Variants in PKNOX2 observed in about 807,000 individuals in gnomAD.
The protein encoded by PKNOX2 is PBX/knotted 1 homeobox 2, also known as homeobox protein PKNOX2.
A neutral mutation model predicts 53.1 loss-of-function variants in PKNOX2; 14 were observed. The ratio of observed to expected loss-of-function variants is 0.26; its 90% CI spans 0.17 to 0.41. The LOEUF is 0.41. PKNOX2 is among the 10% of genes least tolerant of loss of function. PKNOX2 has a pLI of 1.00. For missense variants in PKNOX2, 496 were observed against 602.8 expected, an observed-to-expected ratio of 0.82 and a Z score of 1.85; for synonymous variants, 257 against 242.8, an observed-to-expected ratio of 1.06 and a Z score of -0.54.
intron 3 of PKNOX2, among the ~76,000 whole-genome samples, chr11:125,340,867 T>A (rs1469078230): frequency 6.6e-6 from 1 of 151,868 alleles, no homozygotes; most frequent in Non-Finnish European, 1.5e-5. Context: ...CTGGTCAACA[T>A]GGTGAAACTC....
At chr11:125,381,077 G>A (rs1349400096) in intron 5 of PKNOX2, among the ~76,000 whole-genome samples, 1 of 152,216 alleles carries the variant, frequency 6.6e-6, no homozygotes, top group East Asian at 1.9e-4. Context: ...TCAGTGGGCA[G>A]TGCAGTGTCT....
At chr11:125,171,756 A>T (rs1413055490) in intron 1 of PKNOX2, among the ~76,000 whole-genome samples, 1 of 152,232 alleles carries the variant, frequency 6.6e-6, no homozygotes, top group African/African-American at 2.4e-5. Flanking sequence ...ACAAATAGCC[A>T]GTCAATGCTG....
At chr11:125,264,510 T>A (rs1185373554) in intron 2 of PKNOX2, among the ~76,000 whole-genome samples, 1 of 152,152 alleles carries the variant, frequency 6.6e-6, no homozygotes, top group Non-Finnish European at 1.5e-5. Flanking sequence ...GGGCTGGGAC[T>A]TGGCTTCCTG....
At position 125,414,789 on chromosome 11, in the gene PKNOX2, A is replaced by T. The variant is rs1955782844; in HGVS notation, c.936+2924A>T. Among the ~76,000 whole-genome samples the T allele has an allele frequency of 3.9e-5, 6 of 152,144 alleles. No individual in the cohort carries two copies. The South Asian group carries it at 1.2e-3, about 32-fold the overall frequency. On this transcript the variant is annotated intron_variant, in intron 10 of 12. Coordinates refer to ENST00000298282, the MANE Select transcript of PKNOX2 (RefSeq NM_001382323.2). ...CTAATACTTATTTCCCATGGTTGTG[A>T]AAATTCAATGAGAAAATGTATATAA...
At chr11:125,241,138 C>A (rs1943111665) in intron 2 of PKNOX2, among the ~76,000 whole-genome samples, 1 of 152,136 alleles carries the variant, frequency 6.6e-6, no homozygotes, top group African/African-American at 2.4e-5. Context: ...ACGGTTCAAC[C>A]CTGGTCTACT....
At chr11:125,202,098 TTTAA>T (rs1269117906) in intron 1 of PKNOX2, among the ~76,000 whole-genome samples, 1 of 152,246 alleles carries the variant, frequency 6.6e-6, no homozygotes, top group Non-Finnish European at 1.5e-5. Flanking sequence ...TTTGTATTCA[TTTAA>T]TTAATCAGTT....
chr11:125,362,359 A>G (rs1031934821), intron 4 of PKNOX2, among the ~76,000 whole-genome samples: 1 of 152,054 alleles, frequency 6.6e-6, no homozygotes, highest in Admixed American at 6.5e-5. Context: ...GAAGGCCCAC[A>G]TGGTTTTTTT....
At chr11:125,378,160 T>C (rs1952954852) in intron 5 of PKNOX2, among the ~76,000 whole-genome samples, 1 of 152,200 alleles carries the variant, frequency 6.6e-6, no homozygotes, top group South Asian at 2.1e-4. Context: ...AAATAAAGGC[T>C]CAGAACGCCA....
At chr11:125,189,097 T>C (rs1956627713) in intron 1 of PKNOX2, among the ~76,000 whole-genome samples, 2 of 152,008 alleles carry the variant, frequency 1.3e-5, no homozygotes, top group African/African-American at 4.8e-5. Flanking sequence ...ATTTTGGGGT[T>C]GACTTTCCTC....
chr11:125,427,149 G>T (rs1056708774), intron 10 of PKNOX2, among the ~76,000 whole-genome samples: 2 of 152,186 alleles, frequency 1.3e-5, no homozygotes, highest in Non-Finnish European at 2.9e-5. Context: ...AGGCACTAGG[G>T]CTTGACCCCA....
At position 125,410,787 on chromosome 11, in the gene PKNOX2, T is replaced by G. The variant is rs771037556; in HGVS notation, c.727T>G (p.Leu243Val). 8 of 1,613,790 alleles carry G rather than the reference T, an allele frequency of 5.0e-6. No individual in the cohort carries two copies. The highest frequency in any genetic ancestry group is 6.8e-6 in the Non-Finnish European group (8 of 1,179,912). ...VNSQVVSGGA[L>V]YQPVTMVTSQ... ...ACTGGTTGTCTCCTCAGGTGGAGCC[T>G]TATACCAACCGGTTACCATGGTAAC... is the stretch of plus-strand genomic sequence containing the variant. The change falls in exon 9 of 13, where the codon TTA (leucine) becomes GTA (valine). Residue 243 changes from leucine to valine, a missense_variant. Transcript: ENST00000298282.
At chr11:125,212,523 C>T (rs1433018774) in intron 1 of PKNOX2, among the ~76,000 whole-genome samples, 7 of 146,208 alleles carry the variant, frequency 4.8e-5, no homozygotes, top group Admixed American at 7.0e-5. Context: ...GGCGTGATCA[C>T]GGCTCACTGC....
rs1278511721 is a variant in PKNOX2 at position 125,431,405 on chromosome 11, G to C, written c.*13G>C. 1.9e-6 allele frequency: 3 copies of C among 1,541,742 alleles called. No individual in the cohort carries two copies. The South Asian group carries it at 3.4e-5, about 17-fold the overall frequency. On this transcript the variant is annotated 3_prime_UTR_variant, in exon 13 of 13. Transcript: ENST00000298282. ...CTCCCTGGAGTAGTCGGGCAGCCCA[G>C]ATGGCACTGATCACTGAGCAGGAGA...
intron 10 of PKNOX2, among the ~76,000 whole-genome samples, chr11:125,420,210 AAAG>A (rs1462380914): frequency 2.3e-5 from 3 of 129,746 alleles, no homozygotes; most frequent in African/African-American, 8.5e-5. Context: ...TTCCCCCAAA[AAAG>A]CTGAGTTTTT....
At chr11:125,354,551 T>C (rs889475309) in intron 4 of PKNOX2, among the ~76,000 whole-genome samples, 29 of 152,236 alleles carry the variant, frequency 1.9e-4, no homozygotes, top group African/African-American at 6.8e-4. Context: ...GCGATCGTTT[T>C]AATAATGTTC....
intron 2 of PKNOX2, among the ~76,000 whole-genome samples, chr11:125,290,038 G>T (rs1947210705): frequency 3.3e-5 from 5 of 152,154 alleles, no homozygotes; most frequent in Admixed American, 3.3e-4. Context: ...AAGAGTGGAG[G>T]ATCAGAGCTC....
chr11:125,310,914 C>T (rs1281840769), intron 2 of PKNOX2, among the ~76,000 whole-genome samples: 1 of 151,866 alleles, frequency 6.6e-6, no homozygotes, highest in Non-Finnish European at 1.5e-5. Context: ...CGTCTGGTAA[C>T]CTCATATGTC....
chr11:125,308,798 C>T (rs1390043001), intron 2 of PKNOX2, among the ~76,000 whole-genome samples: 1 of 152,204 alleles, frequency 6.6e-6, no homozygotes, highest in Non-Finnish European at 1.5e-5. Context: ...AGGACTCCCT[C>T]ACATAAAGGG....
At chr11:125,237,204 A>G (rs1317718232) in intron 2 of PKNOX2, among the ~76,000 whole-genome samples, 1 of 152,220 alleles carries the variant, frequency 6.6e-6, no homozygotes, top group African/African-American at 2.4e-5. Flanking sequence ...CTTCCTCACA[A>G]TATGGCAGCT....
Sources: gnomAD v4.1 joint callset for allele counts (sites outside exome capture counted in the v4.1 genomes callset) on GRCh38, gnomAD v4.1.1 for gene constraint, MANE v1.5 for transcripts, NCBI Gene and HGNC (gene_info 2026-07-23, HGNC 2026-07-21) for gene names.